ADAMTS9: variants seen among roughly 807,000 people sequenced by gnomAD.
ADAMTS9 encodes A disintegrin and metalloproteinase with thrombospondin motifs 9.
A neutral mutation model predicts 257.1 loss-of-function variants in ADAMTS9; 107 were observed. The observed-to-expected ratio is 0.42, with a 90% CI of 0.36 to 0.49. The LOEUF (loss-of-function observed/expected upper bound fraction) is 0.49, where lower values mean the gene tolerates loss of function less well. Among genes scored for constraint, ADAMTS9 ranks in the 20% least tolerant of loss-of-function variants. The probability of loss-of-function intolerance (pLI) is 0.03; values close to 1 mark genes in which losing one functional copy is unlikely to be tolerated. For missense variants in ADAMTS9, 2,353 were observed against 2,469.1 expected (o/e 0.95, Z 1.00); for synonymous variants, 982 against 880.9 (o/e 1.11, Z -2.03).
At chr3:64,664,038 G>C (rs947246267) in intron 3 of ADAMTS9, among the ~76,000 whole-genome samples, 5 of 152,064 alleles carry the variant, frequency 3.3e-5, no homozygotes, top group African/African-American at 1.2e-4. Context: ...CACACTGTTA[G>C]GATAAACAGA....
intron 3 of ADAMTS9, among the ~76,000 whole-genome samples, chr3:64,667,793 C>T (rs1263493716): frequency 1.3e-5 from 2 of 152,174 alleles, no homozygotes; most frequent in African/African-American, 2.4e-5. Flanking sequence ...CTCCTAAGCA[C>T]TTCATATGGA....
chr3:64,616,265 T>C, intron 19 of ADAMTS9, 95 bp from the exon 20 acceptor site: 1 of 1,359,166 alleles, frequency 7.4e-7, no homozygotes, highest in South Asian at 1.3e-5. Flanking sequence ...TGAGTTCTTT[T>C]TTCTTTCTTA....
At chr3:64,608,683 T>C (rs1303329377) in intron 22 of ADAMTS9, among the ~76,000 whole-genome samples, 1 of 152,054 alleles carries the variant, frequency 6.6e-6, no homozygotes, top group Non-Finnish European at 1.5e-5. Flanking sequence ...AGTTCACTCA[T>C]GAATTTTACC....
At chr3:64,534,574 T>A (rs1203850169) in intron 37 of ADAMTS9, among the ~76,000 whole-genome samples, 1 of 152,142 alleles carries the variant, frequency 6.6e-6, no homozygotes, top group African/African-American at 2.4e-5. Context: ...CAGGACTAAG[T>A]GTAGCTTAGA....
intron 28 of ADAMTS9, among the ~76,000 whole-genome samples, chr3:64,579,412 C>G (rs778298556): frequency 2.6e-5 from 4 of 152,160 alleles, no homozygotes; most frequent in Non-Finnish European, 2.9e-5. Context: ...TTCTCACCTA[C>G]TCTTCTACGC....
chr3:64,613,273 T>C lies in ADAMTS9; in HGVS notation c.3354+72A>G, dbSNP rs2084701114. The stretch of plus-strand genomic sequence containing the variant: ...AGCGGTTAAATCTCCACCACTGGAA[T>C]GCTCCTTTGCAAGTCCTCTCCAGAT... On this transcript the variant is annotated intron_variant, in intron 22 of 39. Transcript: ENST00000498707. The C allele has an allele frequency of 2.6e-6, 4 of 1,551,400 alleles. No individual in the cohort carries two copies. The Admixed American group carries it at 5.3e-5, about 21-fold the overall frequency.
intron 8 of ADAMTS9, among the ~76,000 whole-genome samples, chr3:64,653,267 T>A (rs959826089): frequency 1.3e-5 from 2 of 152,206 alleles, no homozygotes; most frequent in African/African-American, 2.4e-5. Context: ...TTCACAAAAG[T>A]GCCTCAGAAA....
intron 12 of ADAMTS9, among the ~76,000 whole-genome samples, chr3:64,640,689 G>C (rs1024525750): frequency 5.3e-5 from 8 of 152,154 alleles, no homozygotes; most frequent in Non-Finnish European, 1.0e-4. Flanking sequence ...GTCTGAGGAA[G>C]TGCCATACAA....
chr3:64,535,132 CT>C (rs2083033404), intron 37 of ADAMTS9, among the ~76,000 whole-genome samples: 1 of 152,118 alleles, frequency 6.6e-6, no homozygotes. Flanking sequence ...AATCCTAGTA[CT>C]TTGGGAGGCT....
chr3:64,566,019 C>T (rs747896752), intron 29 of ADAMTS9, among the ~76,000 whole-genome samples: 8 of 152,154 alleles, frequency 5.3e-5, no homozygotes, highest in Non-Finnish European at 1.2e-4. Flanking sequence ...ATCATATTAT[C>T]ATCAGACCTT....
chr3:64,665,982 A>C (rs1701346418), intron 3 of ADAMTS9, among the ~76,000 whole-genome samples: 1 of 152,240 alleles, frequency 6.6e-6, no homozygotes, highest in Non-Finnish European at 1.5e-5. Flanking sequence ...TTTTGTGCCA[A>C]GTACTGGGCT....
Position 64,557,813 on chromosome 3 carries a change from T to C in ADAMTS9, c.4698+3765A>G, listed in dbSNP as rs2083359909. Among the ~76,000 whole-genome samples, 3 of 152,180 alleles carry C rather than the reference T, an allele frequency of 2.0e-5. No individual in the cohort carries two copies. The South Asian group carries it at 6.2e-4, about 32-fold the overall frequency. ...ACTGAACAGAATTTTGCCTACAACATGTTGTTTCTAGGATGTAAACAAAAT... is the reference window on the plus strand; with the variant it reads ...ACTGAACAGAATTTTGCCTACAACACGTTGTTTCTAGGATGTAAACAAAAT... On this transcript the variant is annotated intron_variant, in intron 30 of 39. Transcript: ENST00000498707.
Position 64,680,263 on chromosome 3 carries a change from T to C in ADAMTS9, c.679+938A>G, listed in dbSNP as rs150869085. On this transcript the variant is annotated intron_variant, in intron 3 of 39. Transcript: ENST00000498707. ...CTTGAATTTAGGCCTTGTTTGGAGA[T>C]ACCAGAAAGACCCTGAGATGCTATT... is the stretch of plus-strand genomic sequence containing the variant. Among the ~76,000 whole-genome samples the C allele has an allele frequency of 8.0e-3, 1,212 of 152,270 alleles. 15 individuals carry two copies. Among genetic ancestry groups the C allele is most frequent in the African/African-American group, 0.027 (1,115 of 41,552 alleles).
intron 36 of ADAMTS9, 30 bp from the exon 37 acceptor site, chr3:64,539,324 G>C (rs751722484): frequency 6.3e-7 from 1 of 1,585,124 alleles, no homozygotes; most frequent in African/African-American, 1.3e-5. Flanking sequence ...TTAAAGGCAG[G>C]GGAAGGTAAG....
chr3:64,641,714 T>C (rs1700646746), intron 12 of ADAMTS9, 134 bp downstream of exon 12: 2 of 1,171,702 alleles, frequency 1.7e-6, no homozygotes, highest in Admixed American at 2.2e-5. Flanking sequence ...ACCGTGGGTC[T>C]AAGCAGCCCT....
intron 29 of ADAMTS9, among the ~76,000 whole-genome samples, chr3:64,562,045 C>T (rs2083436139): frequency 1.3e-5 from 2 of 152,116 alleles, no homozygotes; most frequent in Non-Finnish European, 2.9e-5. Context: ...CATTATGAAT[C>T]ATTTAGCACA....
chr3:64,600,550 C>T (rs992685835), intron 26 of ADAMTS9, among the ~76,000 whole-genome samples: 1 of 152,200 alleles, frequency 6.6e-6, no homozygotes, highest in Non-Finnish European at 1.5e-5. Context: ...TTCTTTAAAT[C>T]CTAGCGCTAT....
chr3:64,615,502 A>C lies in ADAMTS9; in HGVS notation c.3025-17T>G, dbSNP rs777455108. 3.1e-6 allele frequency: 5 copies of C among 1,593,290 alleles called. No individual in the cohort carries two copies. The South Asian group carries it at 5.7e-5, about 18-fold the overall frequency. On this transcript the variant is annotated splice_polypyrimidine_tract_variant and intron_variant, in intron 20 of 39. Transcript: ENST00000498707. ...TTTTGAACACTGTAGGGACAAAATA[A>C]ATAAATAAAACTGTTGCTAAGTTTC...
At chr3:64,633,004 T>G (rs1253131122) in intron 14 of ADAMTS9, among the ~76,000 whole-genome samples, 1 of 152,170 alleles carries the variant, frequency 6.6e-6, no homozygotes, top group East Asian at 1.9e-4. Flanking sequence ...CAAGAATAAT[T>G]AATTAACAGG....
Sources: allele counts gnomAD v4.1 joint callset (sites outside exome capture counted in the v4.1 genomes callset), GRCh38; gene constraint gnomAD v4.1.1; transcripts MANE v1.5; gene names NCBI Gene and HGNC (gene_info 2026-07-23, HGNC 2026-07-21).